Variants in IFT122 observed in about 807,000 individuals in gnomAD.
The protein encoded by IFT122 is intraflagellar transport protein 122 homolog.
IFT122 carries 118 observed loss-of-function variants against 161.6 expected under a neutral mutation model. The ratio of observed to expected loss-of-function variants is 0.73; its 90% confidence interval spans 0.63 to 0.85. IFT122 has a LOEUF of 0.85. Among genes scored for constraint, IFT122 ranks in the 40% least tolerant of loss-of-function variants. The probability of loss-of-function intolerance (pLI) is 0.00; values close to 1 mark genes in which losing one functional copy is unlikely to be tolerated. For synonymous variants in IFT122, 550 were observed against 602.4 expected, an observed-to-expected ratio of 0.91 and a Z score of 1.27; for missense variants, 1,381 against 1,579.6, an observed-to-expected ratio of 0.87 and a Z score of 2.13.
At chr3:129,502,156 C>G (rs1349261479) in intron 19 of IFT122, among the ~76,000 whole-genome samples, 1 of 152,180 alleles carries the variant, frequency 6.6e-6, no homozygotes, top group Non-Finnish European at 1.5e-5. Flanking sequence ...TCCTGCAGGC[C>G]TTTGTCCAGA....
At chr3:129,505,465 T>TG (rs2082097677) in intron 21 of IFT122, among the ~76,000 whole-genome samples, 1 of 152,252 alleles carries the variant, frequency 6.6e-6, no homozygotes, top group Non-Finnish European at 1.5e-5. Context: ...ACCCAGTTGC[T>TG]GAAGTATCTG....
At position 129,483,544 on chromosome 3, in the gene IFT122, G is replaced by T. The variant is rs150174636; in HGVS notation, c.1713G>T (p.Ser571=). The part of the protein sequence containing the change: ...NTQCEDMLCF[S]GGGYLNIKAS... ...AGTGTGAGGACATGCTCTGCTTCTC[G>T]GGAGGAGGCTACCTCAACATCAAAG... Residue 571 remains serine, a synonymous_variant, in exon 15 of 30, where the codon TCG becomes TCT. Transcript: ENST00000348417. 0.011 allele frequency: 17,852 copies of T among 1,614,034 alleles called. 164 individuals carry two copies. Among genetic ancestry groups the T allele is most frequent in the South Asian group, 0.03 (2,765 of 91,054 alleles).
intron 19 of IFT122, among the ~76,000 whole-genome samples, chr3:129,500,656 A>G (rs1401660098): frequency 6.6e-6 from 1 of 152,246 alleles, no homozygotes; most frequent in African/African-American, 2.4e-5. Context: ...CCAAGAGGTA[A>G]ATAGAGATGG....
At chr3:129,490,655 G>A (rs774202691) in intron 16 of IFT122, among the ~76,000 whole-genome samples, 1 of 152,238 alleles carries the variant, frequency 6.6e-6, no homozygotes, top group Non-Finnish European at 1.5e-5. Flanking sequence ...CCCAGAAGCA[G>A]AGAAGTAGGC....
Position 129,500,293 on chromosome 3 carries a change from C to T in IFT122, c.2375+225C>T, listed in dbSNP as rs114223346. Among the ~76,000 whole-genome samples, 573 of 152,270 alleles carry T rather than the reference C, an allele frequency of 3.8e-3. 4 individuals are homozygous for T. The highest frequency in any genetic ancestry group is 0.013 in the African/African-American group (548 of 41,560). On this transcript the variant is annotated intron_variant, in intron 19 of 29. Coordinates refer to ENST00000348417, the MANE Select transcript of IFT122 (RefSeq NM_052989.3). ...GTGGGGACCAGGGAAGAGGAGACAC[C>T]GGGACATCACAGCTGCCATTTGCTG...
intron 9 of IFT122, among the ~76,000 whole-genome samples, chr3:129,474,794 A>G (rs1235775234): frequency 1.3e-5 from 2 of 152,168 alleles, no homozygotes; most frequent in Admixed American, 6.5e-5. Flanking sequence ...AAGACAACCC[A>G]CAGAATGAGA....
intron 1 of IFT122, among the ~76,000 whole-genome samples, chr3:129,447,457 T>C (rs994051626): frequency 1.3e-5 from 2 of 152,204 alleles, no homozygotes; most frequent in Admixed American, 6.5e-5. Flanking sequence ...GAGACCCATG[T>C]TCTTATTTGC....
At chr3:129,489,608 G>T (rs1167693284) in intron 16 of IFT122, among the ~76,000 whole-genome samples, 1 of 152,080 alleles carries the variant, frequency 6.6e-6, no homozygotes, top group Non-Finnish European at 1.5e-5. Flanking sequence ...GGGAGGCCGA[G>T]GTGTGCGGAT....
In IFT122 at chr3:129,502,892, A is replaced by G. The variant is rs534189142; in HGVS notation, c.2547+10A>G. On this transcript the variant is annotated intron_variant, in intron 20 of 29. Coordinates refer to ENST00000348417, the MANE Select transcript of IFT122 (RefSeq NM_052989.3). ...CCAGCGCTGGGATGAGGTGAGGGGA[A>G]AGCAGGCCTCATGGGCTGGGGCCCC... The G allele has an allele frequency of 2.5e-6, 4 of 1,607,360 alleles. No homozygotes were observed. The highest frequency in any genetic ancestry group is 1.3e-5 in the African/African-American group (1 of 74,932).
intron 20 of IFT122, chr3:129,503,982 C>T (rs192523942): frequency 1.7e-5 from 6 of 361,284 alleles, no homozygotes; most frequent in Admixed American, 1.6e-4. Context: ...CCTTAGGTGT[C>T]GCCCGCAATT....
Position 129,464,796 on chromosome 3 carries a change from G to T in IFT122, c.563+15G>T. On this transcript the variant is annotated intron_variant, in intron 7 of 29. Transcript: ENST00000348417. ...AACCCTTCAAGGTACTCTTAAAGTT[G>T]TCCTCCTTCTAGAACAAACACCATC... 6.2e-7 allele frequency: 1 copy of T among 1,613,966 alleles called. No individual in the cohort carries two copies. The highest frequency in any genetic ancestry group is 8.5e-7 in the Non-Finnish European group (1 of 1,179,918).
intron 9 of IFT122, among the ~76,000 whole-genome samples, chr3:129,474,164 T>C (rs1038188417): frequency 6.6e-6 from 1 of 152,226 alleles, no homozygotes; most frequent in Non-Finnish European, 1.5e-5. Flanking sequence ...TTAATTTAAC[T>C]AAGTTTTAAA....
chr3:129,464,585 C>T (rs2076517358), intron 6 of IFT122, 50 bp from the exon 7 acceptor site: 1 of 1,612,578 alleles, frequency 6.2e-7, no homozygotes, highest in Non-Finnish European at 8.5e-7. Context: ...GTTTTACCTT[C>T]TGTGGGGTGC....
intron 18 of IFT122, among the ~76,000 whole-genome samples, chr3:129,498,492 T>A (rs2081158323): frequency 6.6e-6 from 1 of 152,192 alleles, no homozygotes; most frequent in African/African-American, 2.4e-5. Context: ...CCCTTCCCTT[T>A]GTCAGCTCCA....
chr3:129,496,854 G>A, intron 18 of IFT122, among the ~76,000 whole-genome samples: 1 of 152,200 alleles, frequency 6.6e-6, no homozygotes, highest in Admixed American at 6.5e-5. Context: ...ACCAGAGTCA[G>A]TGCATCTCTG....
chr3:129,504,790 G>A (rs1431205210), intron 21 of IFT122, among the ~76,000 whole-genome samples: 1 of 152,178 alleles, frequency 6.6e-6, no homozygotes. Flanking sequence ...GAAAACTGAA[G>A]GGTAAAGAGG....
chr3:129,511,140 C>A (rs892932039), intron 23 of IFT122, among the ~76,000 whole-genome samples: 1 of 152,210 alleles, frequency 6.6e-6, no homozygotes, highest in African/African-American at 2.4e-5. Flanking sequence ...AAGGGAAGTT[C>A]AGGTCCTTCC....
Position 129,476,328 on chromosome 3 carries a change from G to A in IFT122, c.830G>A (p.Arg277Gln), listed in dbSNP as rs561707472. Residue 277 changes from arginine to glutamine, a missense_variant, in exon 10 of 30, where the codon CGG becomes CAG. Physicochemically the swap from Arg to Gln is conservative, Grantham distance 43 (BLOSUM62 1). Transcript: ENST00000348417. ...QLSGKQIGKD[R>Q]ALNFDPCCIS... is the part of the protein sequence containing the mutation. ...CTTTTTCCTCAGATTGGAAAGGATC[G>A]GGCACTGAACTTTGACCCCTGCTGC... 152 of 1,614,106 alleles carry A rather than the reference G, an allele frequency of 9.4e-5. No homozygotes were observed. Among genetic ancestry groups the A allele is most frequent in the Non-Finnish European group, 1.0e-4 (118 of 1,180,006 alleles).
At chr3:129,441,069 C>CT (rs1707187445) in intron 1 of IFT122, among the ~76,000 whole-genome samples, 1 of 152,206 alleles carries the variant, frequency 6.6e-6, no homozygotes, top group Non-Finnish European at 1.5e-5. Flanking sequence ...AGGGGAATGA[C>CT]TTTGTCACCT....
Sources: allele counts gnomAD v4.1 joint callset (sites outside exome capture counted in the v4.1 genomes callset), GRCh38; gene constraint gnomAD v4.1.1; transcripts MANE v1.5; gene names NCBI Gene and HGNC (gene_info 2026-07-23, HGNC 2026-07-21).